Variants in DCUN1D4 observed in about 807,000 individuals in gnomAD.
The protein encoded by DCUN1D4 is DCN1-like protein 4.
DCUN1D4 carries 22 observed loss-of-function variants against 47.9 expected under a neutral mutation model. The ratio of observed to expected loss-of-function variants is 0.46; its 90% confidence interval spans 0.33 to 0.66. DCUN1D4 has a LOEUF of 0.66. Among genes scored for constraint, DCUN1D4 ranks in the 30% least tolerant of loss-of-function variants. DCUN1D4 has a pLI of 0.02. For synonymous variants in DCUN1D4, 121 were observed against 112.2 expected (o/e 1.08, Z -0.50); for missense variants, 301 against 340.8 (o/e 0.88, Z 0.92).
At chr4:51,855,027 A>G (rs1234258354) in intron 1 of DCUN1D4, among the ~76,000 whole-genome samples, 5 of 152,192 alleles carry the variant, frequency 3.3e-5, no homozygotes, top group Admixed American at 2.6e-4. Flanking sequence ...GGATACTCCA[A>G]AAGATATTGG....
chr4:51,843,125 G>A (rs1245191148), upstream of DCUN1D4: 3 of 1,480,046 alleles, frequency 2.0e-6, no homozygotes, highest in East Asian at 2.8e-5. Context: ...GAGATGGGCG[G>A]GCTGGGAGTG....
At chr4:51,845,436 G>A (rs1268703469) in intron 1 of DCUN1D4, among the ~76,000 whole-genome samples, 2 of 152,184 alleles carry the variant, frequency 1.3e-5, no homozygotes, top group East Asian at 3.8e-4. Context: ...GAGAATAGAA[G>A]AAAACTGTAA....
At chr4:51,892,405 G>A (rs1389471094) in intron 7 of DCUN1D4, among the ~76,000 whole-genome samples, 1 of 152,200 alleles carries the variant, frequency 6.6e-6, no homozygotes, top group Non-Finnish European at 1.5e-5. Flanking sequence ...AGTGGCTATT[G>A]AGTTGAACGG....
intron 5 of DCUN1D4, among the ~76,000 whole-genome samples, chr4:51,885,179 G>A (rs1450549424): frequency 1.3e-5 from 2 of 152,136 alleles, no homozygotes; most frequent in Non-Finnish European, 2.9e-5. Flanking sequence ...ATGGGATTGC[G>A]TTTGAAGTGG....
intron 8 of DCUN1D4, among the ~76,000 whole-genome samples, chr4:51,906,501 G>A (rs993778724): frequency 2.0e-5 from 3 of 152,110 alleles, no homozygotes; most frequent in African/African-American, 7.2e-5. Flanking sequence ...GTTAGTTGAT[G>A]TATTCGTCCA....
intron 6 of DCUN1D4, among the ~76,000 whole-genome samples, chr4:51,888,241 A>G (rs17473535): frequency 0.022 from 3,406 of 152,172 alleles, 63 homozygotes; most frequent in Non-Finnish European, 0.036. Context: ...AGACTGGGAG[A>G]CAAAGGGCTT....
chr4:51,895,688 C>T (rs1303390911), intron 7 of DCUN1D4, among the ~76,000 whole-genome samples: 1 of 151,412 alleles, frequency 6.6e-6, no homozygotes, highest in African/African-American at 2.4e-5. Context: ...GGGAAAGCTA[C>T]CTCTGATTTT....
chr4:51,875,938 T>A (rs1173171238), intron 4 of DCUN1D4, among the ~76,000 whole-genome samples: 1 of 152,126 alleles, frequency 6.6e-6, no homozygotes, highest in Non-Finnish European at 1.5e-5. Flanking sequence ...CAGAATTAGA[T>A]CATATCTATT....
chr4:51,843,353 T>C, intron 1 of DCUN1D4, 86 bp downstream of exon 1: 2 of 1,428,782 alleles, frequency 1.4e-6, no homozygotes, highest in Middle Eastern at 2.4e-4. Context: ...GCCCCACGCC[T>C]CGGGTCCCGA....
rs773895728 is a variant in DCUN1D4, at chr4:51,899,257, T to C, written c.507-13T>C. 1.1e-5 allele frequency: 18 copies of C among 1,583,734 alleles called. No homozygotes were observed. The highest frequency in any genetic ancestry group is 1.5e-5 in the Non-Finnish European group (17 of 1,169,774). On this transcript the variant is annotated splice_polypyrimidine_tract_variant and intron_variant, in intron 7 of 10. Coordinates refer to ENST00000334635, the MANE Select transcript of DCUN1D4 (RefSeq NM_001040402.3). Reference sequence around the variant, plus strand: ...AACTCAGGTCATAATTTGCCTTTATTCTGTTTTTCTAGATGTGATACAACA... The same window carrying C: ...AACTCAGGTCATAATTTGCCTTTATCCTGTTTTTCTAGATGTGATACAACA...
intron 1 of DCUN1D4, among the ~76,000 whole-genome samples, chr4:51,854,047 T>G (rs919231705): frequency 6.6e-6 from 1 of 152,226 alleles, no homozygotes; most frequent in African/African-American, 2.4e-5. Context: ...ATGAAGGACA[T>G]GTAGTATGAA....
chr4:51,913,387 G>C lies in DCUN1D4; in HGVS notation c.818G>C (p.Gly273Ala). Residue 273 changes from glycine to alanine, a missense_variant, in exon 10 of 11, where the codon GGA (glycine) becomes GCA (alanine). Physicochemically the swap from Gly to Ala is moderately conservative, Grantham distance 60 (BLOSUM62 0). Transcript: ENST00000334635. The part of the protein sequence containing the change: ...NLDLSNYDED[G>A]AWPVLLDEFV... ...GACCTCAGCAACTATGATGAAGATG[G>C]AGCATGTAAGTACTGCCGCTACCAT... 1 of 1,610,376 alleles carries C rather than the reference G, an allele frequency of 6.2e-7. No homozygotes were observed. The highest frequency in any genetic ancestry group is 8.5e-7 in the Non-Finnish European group (1 of 1,177,176).
At chr4:51,854,328 T>G (rs1422564187) in intron 1 of DCUN1D4, among the ~76,000 whole-genome samples, 1 of 152,240 alleles carries the variant, frequency 6.6e-6, no homozygotes, top group Non-Finnish European at 1.5e-5. Context: ...TTATTTGAGA[T>G]GTACCTCATT....
At chr4:51,897,019 C>T (rs777100907) in intron 7 of DCUN1D4, among the ~76,000 whole-genome samples, 3 of 152,234 alleles carry the variant, frequency 2.0e-5, no homozygotes, top group Admixed American at 1.3e-4. Flanking sequence ...ACTTACCATA[C>T]TCCCATCTGC....
At chr4:51,854,005 T>C (rs1204821472) in intron 1 of DCUN1D4, among the ~76,000 whole-genome samples, 3 of 152,216 alleles carry the variant, frequency 2.0e-5, no homozygotes, top group African/African-American at 7.2e-5. Context: ...TGATTATCCA[T>C]TTCGTAGAAA....
intron 1 of DCUN1D4, chr4:51,844,403 A>AGCGCTGGCGCGGGCTCC (rs1722158474): frequency 1.0e-6 from 1 of 983,098 alleles, no homozygotes; most frequent in African/African-American, 1.8e-5. Flanking sequence ...AAGCGAGGTC[A>AGCGCTGGCGCGGGCTCC]GCGCTGGCGC....
intron 1 of DCUN1D4, chr4:51,848,186 A>ATGTT: frequency 9.4e-7 from 1 of 1,064,462 alleles, no homozygotes; most frequent in South Asian, 1.5e-5. Flanking sequence ...AACTAATTTA[A>ATGTT]TATTTTTCAA....
intron 5 of DCUN1D4, among the ~76,000 whole-genome samples, chr4:51,878,869 T>C (rs769219990): frequency 9.2e-5 from 14 of 152,248 alleles, no homozygotes; most frequent in Admixed American, 3.9e-4. Context: ...GAATTCCCCC[T>C]GTAGCCTGAT....
At chr4:51,873,254 A>G (rs1727182816) in intron 3 of DCUN1D4, among the ~76,000 whole-genome samples, 1 of 152,184 alleles carries the variant, frequency 6.6e-6, no homozygotes, top group African/African-American at 2.4e-5. Flanking sequence ...AGACCTCAGG[A>G]GGTCACTTAA....
Sources: gnomAD v4.1 joint callset for allele counts (sites outside exome capture counted in the v4.1 genomes callset) on GRCh38, gnomAD v4.1.1 for gene constraint, MANE v1.5 for transcripts, NCBI Gene and HGNC (gene_info 2026-07-23, HGNC 2026-07-21) for gene names.